The following MIS18A variants were observed in gnomAD, a reference collection of about 807,000 sequenced individuals.
MIS18A encodes the protein protein Mis18-alpha.
A neutral mutation model predicts 25.0 loss-of-function variants in MIS18A; 14 were observed. The observed-to-expected ratio is 0.56, with a 90% CI of 0.37 to 0.88. The LOEUF is 0.88. Among genes scored for constraint, MIS18A ranks in the 40% least tolerant of loss-of-function variants. The pLI, the probability that MIS18A is intolerant of heterozygous loss-of-function variation, is 0.00. For synonymous variants in MIS18A, 134 were observed against 118.6 expected (o/e 1.13, Z -0.84); for missense variants, 292 against 290.8 (o/e 1.00, Z -0.03).
intron 3 of MIS18A, 145 bp from the exon 4 acceptor site, chr21:32,269,948 CCTGTAGTCTTAG>C (rs2031682455): frequency 3.3e-6 from 2 of 607,210 alleles, no homozygotes; most frequent in South Asian, 4.0e-5. Context: ...GGGCAATATG[CCTGTAGTCTTAG>C]CTACTTGGGA....
chr21:32,214,873 G>A, the MIS18A span, among the ~76,000 whole-genome samples: 2 of 152,216 alleles, frequency 1.3e-5, no homozygotes, highest in Admixed American at 6.5e-5. Flanking sequence ...GGAGCCTCTG[G>A]TTTAACTGGG....
the MIS18A span, among the ~76,000 whole-genome samples, chr21:32,219,570 T>C: frequency 3.0e-4 from 46 of 152,170 alleles, 2 homozygotes; most frequent in East Asian, 8.3e-3. Flanking sequence ...GACACAGAGA[T>C]AGCTGCAGAA....
At chr21:32,165,255 C>T in the MIS18A span, among the ~76,000 whole-genome samples, 15 of 152,222 alleles carry the variant, frequency 9.9e-5, no homozygotes, top group East Asian at 1.4e-3. Context: ...ATTGCTTGAA[C>T]CCAGGAGGCG....
At chr21:32,242,648 A>T in the MIS18A span, among the ~76,000 whole-genome samples, 1 of 152,124 alleles carries the variant, frequency 6.6e-6, no homozygotes, top group Non-Finnish European at 1.5e-5. Context: ...TAGCCAGTGA[A>T]TCATTAGTCA....
At chr21:32,184,711 C>T in the MIS18A span, among the ~76,000 whole-genome samples, 4 of 152,122 alleles carry the variant, frequency 2.6e-5, no homozygotes, top group Non-Finnish European at 5.9e-5. Flanking sequence ...CACAAATGCG[C>T]GCTCATCCCC....
chr21:32,201,035 C>A, the MIS18A span, among the ~76,000 whole-genome samples: 1 of 152,086 alleles, frequency 6.6e-6, no homozygotes, highest in Non-Finnish European at 1.5e-5. Flanking sequence ...GTTCTGTGGG[C>A]TGTGCAGGAG....
chr21:32,258,806 G>A, the MIS18A span, among the ~76,000 whole-genome samples: 7 of 152,002 alleles, frequency 4.6e-5, no homozygotes, highest in African/African-American at 1.4e-4. Context: ...TTGGTTCAGC[G>A]GGCCTGGATG....
At chr21:32,186,310 TAGA>T in the MIS18A span, among the ~76,000 whole-genome samples, 5 of 152,170 alleles carry the variant, frequency 3.3e-5, no homozygotes, top group Non-Finnish European at 5.9e-5. Context: ...GTGAGTAAAA[TAGA>T]AGAAGACAGC....
chr21:32,273,096 A>C (rs2031742754), intron 2 of MIS18A, among the ~76,000 whole-genome samples: 2 of 151,966 alleles, frequency 1.3e-5, no homozygotes, highest in African/African-American at 4.8e-5. Flanking sequence ...AATTTATCTT[A>C]AATGGAGAAA....
chr21:32,274,528 G>T (rs1007265230), intron 2 of MIS18A, among the ~76,000 whole-genome samples: 2 of 151,800 alleles, frequency 1.3e-5, no homozygotes, highest in Admixed American at 6.6e-5. Flanking sequence ...TTTTATTTTT[G>T]ATTTTCTTCA....
At chr21:32,199,501 C>T in the MIS18A span, among the ~76,000 whole-genome samples, 1 of 152,148 alleles carries the variant, frequency 6.6e-6, no homozygotes, top group Non-Finnish European at 1.5e-5. Context: ...AATGCCCTAG[C>T]AGCTTGTTAG....
the MIS18A span, among the ~76,000 whole-genome samples, chr21:32,195,091 G>A: frequency 3.3e-5 from 5 of 152,140 alleles, no homozygotes; most frequent in South Asian, 1.0e-3. Flanking sequence ...AAAGTAAAAA[G>A]CAGAGGGTTA....
chr21:32,215,152 A>C, the MIS18A span, among the ~76,000 whole-genome samples: 12 of 152,232 alleles, frequency 7.9e-5, no homozygotes, highest in Non-Finnish European at 1.8e-4. Context: ...TCATTAAGCC[A>C]GGGACAGACA....
At chr21:32,193,480 G>GTAGATAGATAGA in the MIS18A span, among the ~76,000 whole-genome samples, 21 of 137,958 alleles carry the variant, frequency 1.5e-4, no homozygotes, top group African/African-American at 2.1e-4. Context: ...AGATAGATAG[G>GTAGATAGATAGA]TAGATAGATA....
chr21:32,186,919 T>G, the MIS18A span, among the ~76,000 whole-genome samples: 67 of 152,202 alleles, frequency 4.4e-4, no homozygotes, highest in Admixed American at 7.8e-4. Flanking sequence ...TCCCGCACAA[T>G]GCAGCTGAAT....
chr21:32,184,606 G>A, the MIS18A span, among the ~76,000 whole-genome samples: 7 of 152,064 alleles, frequency 4.6e-5, no homozygotes, highest in South Asian at 1.2e-3. Flanking sequence ...CACCTCCTTC[G>A]GCTTCCTGCA....
the MIS18A span, among the ~76,000 whole-genome samples, chr21:32,229,394 T>C: frequency 1.3e-5 from 2 of 152,170 alleles, no homozygotes; most frequent in Admixed American, 6.6e-5. Flanking sequence ...GTAAAATCCT[T>C]CCCATTAGAG....
the MIS18A span, among the ~76,000 whole-genome samples, chr21:32,200,094 C>G: frequency 1.3e-5 from 2 of 152,214 alleles, no homozygotes; most frequent in Non-Finnish European, 2.9e-5. Context: ...TGTAAAGGTC[C>G]AGACAATAAA....
chr21:32,163,558 C>G, the MIS18A span, among the ~76,000 whole-genome samples: 88 of 152,288 alleles, frequency 5.8e-4, no homozygotes, highest in African/African-American at 1.9e-3. Flanking sequence ...GCTCTGCCTG[C>G]CCTTTGACAC....
Sources: gnomAD v4.1 joint callset for allele counts (sites outside exome capture counted in the v4.1 genomes callset) on GRCh38, gnomAD v4.1.1 for gene constraint, MANE v1.5 for transcripts, NCBI Gene and HGNC (gene_info 2026-07-23, HGNC 2026-07-21) for gene names.